The following AP2A2 variants were observed in gnomAD, a reference collection of about 807,000 sequenced individuals.
AP2A2 encodes the protein adaptor related protein complex 2 subunit alpha 2, also known as AP-2 complex subunit alpha-2.
AP2A2 carries 32 observed loss-of-function variants against 104.2 expected under a neutral mutation model. The observed-to-expected ratio is 0.31, with a 90% confidence interval of 0.23 to 0.41. AP2A2 has a LOEUF of 0.41. AP2A2 is among the 10% of genes least tolerant of loss of function. The probability of loss-of-function intolerance (pLI) is 1.00; values close to 1 mark genes in which losing one functional copy is unlikely to be tolerated. For synonymous variants in AP2A2, 539 were observed against 533.3 expected (o/e 1.01, Z -0.15); for missense variants, 912 against 1,261.0 (o/e 0.72, Z 4.19).
At position 1,009,096 on chromosome 11, in the gene AP2A2, G is replaced by C; in HGVS notation, c.2421-4G>C. ...TCTCTTTCTGCTGCTGCTGCTGCTG[G>C]CAGGTATGGGGGCACCTTCCAGAAC... On this transcript the variant is annotated splice_polypyrimidine_tract_variant and splice_region_variant and intron_variant, in intron 18 of 21. Coordinates refer to ENST00000448903, the MANE Select transcript of AP2A2 (RefSeq NM_012305.4). The C allele has an allele frequency of 1.9e-6, 3 of 1,609,350 alleles. No individual in the cohort carries two copies. The highest frequency in any genetic ancestry group is 2.5e-6 in the Non-Finnish European group (3 of 1,177,174).
At chr11:927,907 T>C (rs1023434817) in intron 1 of AP2A2, among the ~76,000 whole-genome samples, 1 of 150,552 alleles carries the variant, frequency 6.6e-6, no homozygotes, top group African/African-American at 2.4e-5. Flanking sequence ...TGTTACATAA[T>C]GAGACCAACA....
intron 6 of AP2A2, among the ~76,000 whole-genome samples, chr11:983,628 C>A (rs1263037527): frequency 6.6e-6 from 1 of 152,098 alleles, no homozygotes; most frequent in Non-Finnish European, 1.5e-5. Flanking sequence ...TGTGATCCGC[C>A]CGCCTTGGCC....
At chr11:971,981 C>G in intron 3 of AP2A2, 81 bp from the exon 4 acceptor site, 1 of 1,377,244 alleles carries the variant, frequency 7.3e-7, no homozygotes, top group African/African-American at 1.4e-5. Context: ...ATCTGTGTGT[C>G]ACTGATTGTT....
At chr11:981,371 T>C in intron 6 of AP2A2, 72 bp downstream of exon 6, 1 of 1,255,814 alleles carries the variant, frequency 8.0e-7, no homozygotes, top group Non-Finnish European at 1.1e-6. Flanking sequence ...AGCTTATTTG[T>C]AGAATGCAAG....
chr11:996,055 C>T (rs1277658465), intron 14 of AP2A2: 1 of 152,186 alleles, frequency 6.6e-6, no homozygotes, highest in Non-Finnish European at 1.5e-5. Context: ...AGGCCTCTGT[C>T]ACTCCTCTAA....
intron 1 of AP2A2, among the ~76,000 whole-genome samples, chr11:958,336 G>A (rs76531967): frequency 1.3e-5 from 2 of 152,202 alleles, no homozygotes; most frequent in African/African-American, 2.4e-5. Flanking sequence ...TGTTTCAGCC[G>A]CCCCGTCTGG....
intron 1 of AP2A2, chr11:947,092 C>A (rs1853871383): frequency 6.6e-6 from 1 of 150,784 alleles, no homozygotes; most frequent in Non-Finnish European, 1.5e-5. Flanking sequence ...CTCACTGCAG[C>A]CCCCACCTCC....
Position 988,691 on chromosome 11 carries a change from T to G in AP2A2, c.1269+2T>G. The G allele has an allele frequency of 6.2e-7, 1 of 1,613,360 alleles. No homozygotes were observed. Among genetic ancestry groups the G allele is most frequent in the Non-Finnish European group, 8.5e-7 (1 of 1,179,814 alleles). On this transcript the variant is annotated splice_donor_variant, in intron 10 of 21. Coordinates refer to ENST00000448903, the MANE Select transcript of AP2A2 (RefSeq NM_012305.4). LOFTEE classifies it high-confidence loss of function. ...GACTACTCCATCCGAGAAGAGATTG[T>G]GAGTTCTGGTGGCCTCTGAGTCCTC...
At chr11:976,514 G>A (rs1234668402) in intron 4 of AP2A2, among the ~76,000 whole-genome samples, 2 of 152,108 alleles carry the variant, frequency 1.3e-5, no homozygotes, top group Admixed American at 6.5e-5. Context: ...GCAGGAGGGC[G>A]AAGGGGGATA....
intron 4 of AP2A2, among the ~76,000 whole-genome samples, chr11:974,457 G>A (rs369708110): frequency 1.1e-4 from 16 of 152,320 alleles, no homozygotes; most frequent in Middle Eastern, 3.4e-3. Context: ...GCCAAGGTGG[G>A]CGGGCCTGAG....
chr11:951,605 C>T (rs1258911673), intron 1 of AP2A2, among the ~76,000 whole-genome samples: 1 of 152,132 alleles, frequency 6.6e-6, no homozygotes, highest in Non-Finnish European at 1.5e-5. Flanking sequence ...GTGCTTTGCT[C>T]CTTATTTCAC....
At chr11:1,008,956 G>T (rs182536644) in intron 18 of AP2A2, 144 bp from the exon 19 acceptor site, 3 of 648,948 alleles carry the variant, frequency 4.6e-6, no homozygotes, top group Non-Finnish European at 8.1e-6. Context: ...CACACGATCC[G>T]TGGGGACTGA....
At chr11:990,483 T>C (rs778781366) in intron 10 of AP2A2, among the ~76,000 whole-genome samples, 6 of 152,164 alleles carry the variant, frequency 3.9e-5, no homozygotes, top group Non-Finnish European at 7.4e-5. Flanking sequence ...AGAAGCAGTG[T>C]GCTTCTGAGT....
chr11:928,530 TG>T (rs1161674709), intron 1 of AP2A2, among the ~76,000 whole-genome samples: 4 of 152,244 alleles, frequency 2.6e-5, no homozygotes, highest in Admixed American at 6.5e-5. Context: ...AGCTGACATT[TG>T]GGGCTGGATC....
chr11:991,103 A>G lies in AP2A2; in HGVS notation c.1270-1400A>G, dbSNP rs184074735. On this transcript the variant is annotated intron_variant, in intron 10 of 21. Coordinates refer to ENST00000448903, the MANE Select transcript of AP2A2 (RefSeq NM_012305.4). ...CTCCCCTCCGTCCTTTCAGCCGGGT[A>G]TGGTGCTCCCCTCTGTCCTTTCAGC... Among the ~76,000 whole-genome samples, 20 of 145,354 alleles carry G rather than the reference A, an allele frequency of 1.4e-4. 1 individual carries two copies. In the East Asian group the frequency reaches 4.3e-3, roughly 31 times the overall value.
intron 1 of AP2A2, among the ~76,000 whole-genome samples, chr11:951,292 C>T (rs1056227890): frequency 1.8e-4 from 27 of 151,576 alleles, no homozygotes; most frequent in African/African-American, 5.8e-4. Flanking sequence ...TTTGGGAGGC[C>T]GAGGTGGGTG....
At chr11:989,961 C>T (rs540493138) in intron 10 of AP2A2, among the ~76,000 whole-genome samples, 2 of 152,332 alleles carry the variant, frequency 1.3e-5, no homozygotes, top group South Asian at 4.1e-4. Flanking sequence ...GGGAGCTTTG[C>T]CGAGAGCCAG....
chr11:992,298 G>C lies in AP2A2; in HGVS notation c.1270-205G>C, dbSNP rs1855686707. Among the ~76,000 whole-genome samples, 1 of 152,206 alleles carries C rather than the reference G, an allele frequency of 6.6e-6. No individual in the cohort carries two copies. Among genetic ancestry groups the C allele is most frequent in the South Asian group, 2.1e-4 (1 of 4,832 alleles). On this transcript the variant is annotated intron_variant, in intron 10 of 21. Coordinates refer to ENST00000448903, the MANE Select transcript of AP2A2 (RefSeq NM_012305.4). The surrounding 1 kb of genome is among the most constrained non-coding windows in gnomAD (Gnocchi z 6.4). ...GTGCACTGGTCTCCGCCTCTTCCTG[G>C]CTTTCTTTGCTTAAGTCAGGGCATC...
chr11:937,175 A>C (rs2134468290), intron 1 of AP2A2, among the ~76,000 whole-genome samples: 1 of 152,046 alleles, frequency 6.6e-6, no homozygotes, highest in South Asian at 2.1e-4. Context: ...GCCCGCCACT[A>C]TGCCTGCCTA....
Sources: gnomAD v4.1 joint callset for allele counts (sites outside exome capture counted in the v4.1 genomes callset) on GRCh38, gnomAD v4.1.1 for gene constraint, Gnocchi (gnomAD v3.1) non-coding constraint, MANE v1.5 for transcripts, NCBI Gene and HGNC (gene_info 2026-07-23, HGNC 2026-07-21) for gene names.